The following PLB1 variants were observed in gnomAD, a reference collection of about 807,000 sequenced individuals.
The protein encoded by PLB1 is phospholipase B1.
A neutral mutation model predicts 227.4 loss-of-function variants in PLB1; 242 were observed. The observed-to-expected ratio is 1.06, with a 90% CI of 0.96 to 1.18. The LOEUF (loss-of-function observed/expected upper bound fraction) is 1.18, where lower values mean the gene tolerates loss of function less well. PLB1 is among the 50% of genes most tolerant of loss of function. The pLI is 0.00. For missense variants in PLB1, 1,858 were observed against 1,816.3 expected, an observed-to-expected ratio of 1.02 and a Z score of -0.42; for synonymous variants, 757 against 682.2, an observed-to-expected ratio of 1.11 and a Z score of -1.71.
chr2:28,510,492 C>G (rs980932461), intron 1 of PLB1, among the ~76,000 whole-genome samples: 1 of 152,130 alleles, frequency 6.6e-6, no homozygotes, highest in Non-Finnish European at 1.5e-5. Flanking sequence ...GGCATCCAAC[C>G]TATCAGATCC....
chr2:28,603,947 C>G lies in PLB1; in HGVS notation c.2775-19C>G, dbSNP rs367577113. On this transcript the variant is annotated intron_variant, in intron 39 of 57. Coordinates refer to ENST00000327757, the MANE Select transcript of PLB1 (RefSeq NM_153021.5). Reference sequence around the variant, plus strand: ...GAAGCCTGAGCTCTGGGGCCTCCTGCCTCCCCCTCTTTGTGCAGCGTTTTG... The same window carrying G: ...GAAGCCTGAGCTCTGGGGCCTCCTGGCTCCCCCTCTTTGTGCAGCGTTTTG... The G allele has an allele frequency of 3.0e-4, 476 of 1,611,594 alleles. No homozygotes were observed. Among genetic ancestry groups the G allele is most frequent in the Non-Finnish European group, 3.8e-4 (450 of 1,177,824 alleles).
chr2:28,626,578 T>C (rs763485663), intron 51 of PLB1, 70 bp downstream of exon 51: 5 of 1,392,074 alleles, frequency 3.6e-6, no homozygotes, highest in Non-Finnish European at 5.1e-6. Context: ...TCCTTGCCCA[T>C]CCATCCCTGG....
intron 40 of PLB1, 101 bp from the exon 41 acceptor site, chr2:28,604,554 T>A: frequency 2.4e-6 from 2 of 817,262 alleles, no homozygotes; most frequent in South Asian, 3.5e-5. Context: ...AGTCGGCCCC[T>A]CCATCCAGGG....
chr2:28,582,273 C>A, intron 24 of PLB1, 132 bp from the exon 25 acceptor site: 1 of 1,199,242 alleles, frequency 8.3e-7, no homozygotes, highest in Non-Finnish European at 1.2e-6. Flanking sequence ...GGAGCAGGGA[C>A]GGGTGGAGGA....
chr2:28,549,049 T>C (rs1427045309), intron 15 of PLB1, 118 bp downstream of exon 15: 7 of 855,116 alleles, frequency 8.2e-6, no homozygotes, highest in East Asian at 2.6e-5. Context: ...TTTCTGTTCT[T>C]CTGGGCCTGC....
At chr2:28,629,612 C>G (rs1382474580) in intron 53 of PLB1, among the ~76,000 whole-genome samples, 2 of 152,218 alleles carry the variant, frequency 1.3e-5, no homozygotes, top group Non-Finnish European at 2.9e-5. Flanking sequence ...TGTTCCTCAT[C>G]TGTAAAGTGG....
intron 25 of PLB1, 111 bp from the exon 26 acceptor site, chr2:28,585,650 T>C: frequency 1.1e-6 from 1 of 908,046 alleles, no homozygotes; most frequent in East Asian, 2.5e-5. Context: ...CACAGATCTC[T>C]GAACTCCAAG....
chr2:28,545,604 C>G (rs1673132172), intron 14 of PLB1, among the ~76,000 whole-genome samples: 1 of 152,200 alleles, frequency 6.6e-6, no homozygotes. Context: ...CCAAAAAGGT[C>G]TAAGCACCCT....
At chr2:28,540,292 G>C (rs76335993) in intron 11 of PLB1, 74 bp from the exon 12 acceptor site, 2 of 1,243,426 alleles carry the variant, frequency 1.6e-6, no homozygotes, top group Non-Finnish European at 2.4e-6. Context: ...TTCCATAAGA[G>C]GCGGGCTGGA....
chr2:28,519,909 T>A (rs1240636963), intron 4 of PLB1, 146 bp downstream of exon 4: 3 of 353,116 alleles, frequency 8.5e-6, no homozygotes, highest in Non-Finnish European at 1.0e-5. Flanking sequence ...AATCTTTTTA[T>A]TTTTATTTTA....
At chr2:28,620,411 C>T in intron 47 of PLB1, 79 bp downstream of exon 47, 1 of 1,424,242 alleles carries the variant, frequency 7.0e-7, no homozygotes, top group South Asian at 1.3e-5. Context: ...TGTCACCCCT[C>T]CAGGGATGCA....
chr2:28,514,782 C>T (rs907384594), intron 1 of PLB1, among the ~76,000 whole-genome samples: 1 of 152,204 alleles, frequency 6.6e-6, no homozygotes, highest in Non-Finnish European at 1.5e-5. Flanking sequence ...ATGAGCCAGA[C>T]TGCCTGTTTT....
At chr2:28,564,245 A>G (rs1005385711) in intron 18 of PLB1, among the ~76,000 whole-genome samples, 1 of 152,190 alleles carries the variant, frequency 6.6e-6, no homozygotes, top group Admixed American at 6.5e-5. Flanking sequence ...CTGTCTCTAA[A>G]TCAATAAGAA....
rs141173438 is a variant in PLB1, at chr2:28,601,469, C to CAA, written c.2607+137_2607+138insAA. The CAA allele has an allele frequency of 4.5e-5, 27 of 600,272 alleles. No individual in the cohort carries two copies. In the African/African-American group the frequency reaches 4.9e-4, roughly 11 times the overall value. The allele number at this position is 600,272 out of a possible 1,614,324, so 37.2% of individuals were successfully genotyped here. A position where few individuals can be genotyped will look rare whatever the true frequency, so the allele number is the denominator to read the frequency against. On this transcript the variant is annotated intron_variant, in intron 37 of 57. Coordinates refer to ENST00000327757, the MANE Select transcript of PLB1 (RefSeq NM_153021.5). ...ACCTATGTCTGCACATATACACATA[C>CAA]CACACACACACACACACACACACAC... is the stretch of plus-strand genomic sequence containing the variant.
In PLB1 at chr2:28,591,170, A is replaced by G; in HGVS notation, c.2126A>G (p.Gln709Arg). Residue 709 changes from glutamine (Q) to arginine (R), a missense_variant and splice_region_variant, in exon 30 of 58, where the codon CAG (glutamine) becomes CGG (arginine). By Grantham distance (43) the Gln-to-Arg change is conservative. Coordinates refer to ENST00000327757, the MANE Select transcript of PLB1 (RefSeq NM_153021.5). ...PFLRTYKNSM[Q>R]GHGTWLPCRD... ...CTGAGGACCTACAAGAACAGCATGC[A>G]GGTACCTGCCTCTTGCCTCCTCTTG... 1.2e-6 allele frequency: 2 copies of G among 1,614,218 alleles called. No individual in the cohort carries two copies. Among genetic ancestry groups the G allele is most frequent in the Non-Finnish European group, 1.7e-6 (2 of 1,180,020 alleles).
intron 4 of PLB1, among the ~76,000 whole-genome samples, chr2:28,520,861 G>T (rs1669437673): frequency 6.6e-6 from 1 of 152,138 alleles, no homozygotes; most frequent in Non-Finnish European, 1.5e-5. Context: ...TGTAATCCCA[G>T]CTACTTGGGA....
At chr2:28,595,537 G>C (rs1265554838) in intron 33 of PLB1, 1 of 152,162 alleles carries the variant, frequency 6.6e-6, no homozygotes, top group Non-Finnish European at 1.5e-5. Flanking sequence ...GCATATTAAA[G>C]GCTCTCATAA....
At chr2:28,604,089 G>T (rs201165131) in intron 40 of PLB1, 42 bp downstream of exon 40, 1 of 1,545,222 alleles carries the variant, frequency 6.5e-7, no homozygotes. Context: ...TCTCCCCTAC[G>T]TTCACTCTAA....
intron 3 of PLB1, among the ~76,000 whole-genome samples, chr2:28,518,866 G>A (rs980741579): frequency 1.3e-5 from 2 of 152,122 alleles, no homozygotes; most frequent in Non-Finnish European, 2.9e-5. Context: ...CAATGGGCTG[G>A]GTTTGTCTAA....
Sources: gnomAD v4.1 joint callset for allele counts (sites outside exome capture counted in the v4.1 genomes callset) on GRCh38, gnomAD v4.1.1 for gene constraint, MANE v1.5 for transcripts, NCBI Gene and HGNC (gene_info 2026-07-23, HGNC 2026-07-21) for gene names.